The following ETFDH variants were observed in gnomAD, a reference collection of about 807,000 sequenced individuals.
ETFDH encodes electron transfer flavoprotein dehydrogenase.
ETFDH carries 61 observed loss-of-function variants against 73.2 expected under a neutral mutation model. The ratio of observed to expected loss-of-function variants is 0.83; its 90% confidence interval spans 0.68 to 1.03. The LOEUF is 1.03. Among genes scored for constraint, ETFDH ranks in the 50% least tolerant of loss-of-function variants. The pLI is 0.00. For synonymous variants in ETFDH, 243 were observed against 253.3 expected, an observed-to-expected ratio of 0.96 and a Z score of 0.39; for missense variants, 685 against 745.0, an observed-to-expected ratio of 0.92 and a Z score of 0.94.
At chr4:158,675,998 G>C (rs1464118471) in intron 1 of ETFDH, among the ~76,000 whole-genome samples, 1 of 152,092 alleles carries the variant, frequency 6.6e-6, no homozygotes, top group Non-Finnish European at 1.5e-5. Flanking sequence ...TCTTGTTATT[G>C]AAACCGCCCA....
chr4:158,697,286 G>C (rs1326699992), intron 7 of ETFDH, among the ~76,000 whole-genome samples: 1 of 151,886 alleles, frequency 6.6e-6, no homozygotes, highest in Non-Finnish European at 1.5e-5. Context: ...GTAGAGACAG[G>C]GTTTTACCAT....
intron 9 of ETFDH, 117 bp from the exon 10 acceptor site, chr4:158,703,306 T>G: frequency 1.3e-6 from 1 of 748,910 alleles, no homozygotes; most frequent in Non-Finnish European, 2.4e-6. Context: ...CATTTTCATG[T>G]ATTTATTTTT....
At chr4:158,677,196 A>G (rs185619129) in intron 1 of ETFDH, among the ~76,000 whole-genome samples, 5 of 152,358 alleles carry the variant, frequency 3.3e-5, no homozygotes, top group Non-Finnish European at 7.3e-5. Context: ...TCTGAGCCAA[A>G]TGTGAGGACC....
At chr4:158,704,313 T>C (rs532098424) in intron 10 of ETFDH, among the ~76,000 whole-genome samples, 6 of 152,332 alleles carry the variant, frequency 3.9e-5, no homozygotes, top group African/African-American at 1.4e-4. Flanking sequence ...ATGACTCTTC[T>C]GCTGTGGTGG....
chr4:158,690,151 T>C (rs1774125440), intron 5 of ETFDH, among the ~76,000 whole-genome samples, 197 bp from the exon 6 acceptor site: 1 of 152,174 alleles, frequency 6.6e-6, no homozygotes, highest in African/African-American at 2.4e-5. Flanking sequence ...TTTCCCATTG[T>C]GCGAGCTCTG....
chr4:158,685,319 C>A, intron 5 of ETFDH, 100 bp downstream of exon 5: 2 of 739,934 alleles, frequency 2.7e-6, no homozygotes, highest in Non-Finnish European at 4.8e-6. Context: ...TTTTTAAAAG[C>A]CATGGGATTT....
intron 7 of ETFDH, among the ~76,000 whole-genome samples, chr4:158,697,094 A>AT (rs1174519903): frequency 6.6e-6 from 1 of 151,120 alleles, no homozygotes; most frequent in Non-Finnish European, 1.5e-5. Flanking sequence ...CTTTTTTATT[A>AT]TTTTTTTATT....
intron 5 of ETFDH, among the ~76,000 whole-genome samples, chr4:158,689,906 CTGTTT>C (rs1453720402): frequency 3.3e-5 from 5 of 151,884 alleles, no homozygotes; most frequent in East Asian, 1.9e-4. Flanking sequence ...CAGCTTCTCC[CTGTTT>C]TGTTTTATTT....
In ETFDH at chr4:158,706,229, A is replaced by G; in HGVS notation, c.1326A>G (p.Ser442=). ...VTEYEDNLKN[S]WVWKELYSVR... The stretch of plus-strand genomic sequence containing the variant: ...AATATGAGGACAATTTGAAGAACTC[A>G]TGGGTATGGAAAGAGCTATATTCTG... The change falls in exon 11 of 13, where the codon TCA becomes TCG. Residue 442 remains serine, a synonymous_variant. Transcript: ENST00000511912. The G allele has an allele frequency of 6.2e-7, 1 of 1,612,702 alleles. No individual in the cohort carries two copies. The highest frequency in any genetic ancestry group is 1.1e-5 in the South Asian group (1 of 91,036).
Position 158,706,321 on chromosome 4 carries a change from T to G in ETFDH, c.1418T>G (p.Ile473Ser). ...GVYGGMIYTGIFYWILRGMEP... is the reference protein window; with the variant it reads ...GVYGGMIYTGSFYWILRGMEP... ...TATGGAGGGATGATTTACACTGGAA[T>G]CTTTTACTGGATATTGAGAGGAATG... Residue 473 changes from isoleucine to serine, a missense_variant, in exon 11 of 13, where the codon ATC becomes AGC. Coordinates refer to ENST00000511912, the MANE Select transcript of ETFDH (RefSeq NM_004453.4). 6.2e-7 allele frequency: 1 copy of G among 1,613,678 alleles called. No individual in the cohort carries two copies. The highest frequency in any genetic ancestry group is 8.5e-7 in the Non-Finnish European group (1 of 1,179,602).
At chr4:158,676,654 T>A (rs796542660) in intron 1 of ETFDH, among the ~76,000 whole-genome samples, 2 of 152,134 alleles carry the variant, frequency 1.3e-5, no homozygotes, top group South Asian at 4.1e-4. Flanking sequence ...CAAGATGGAG[T>A]CAGTTAGGTC....
Position 158,672,348 on chromosome 4 carries a change from G to A in ETFDH, c.-109G>A. 3 of 1,127,398 alleles carry A rather than the reference G, an allele frequency of 2.7e-6. No homozygotes were observed. Among genetic ancestry groups the A allele is most frequent in the Non-Finnish European group, 4.1e-6 (3 of 737,440 alleles). 69.8% of individuals were successfully genotyped at this position (1,127,398 alleles called of 1,614,324 possible). On this transcript the variant is annotated 5_prime_UTR_variant, in exon 1 of 13. Coordinates refer to ENST00000511912, the MANE Select transcript of ETFDH (RefSeq NM_004453.4). The stretch of plus-strand genomic sequence containing the variant: ...GGAGGCGAACTGCAGCAGAGTTCTT[G>A]CTTTCCGGCAGGTGATGGCGCCCCC...
chr4:158,672,452 T>A lies in ETFDH; in HGVS notation c.-5T>A. ...GTCCGACCGAGAGTCCTGGTGACTT[T>A]GAACATGCTGGTGCCGCTAGCCAAG... On this transcript the variant is annotated 5_prime_UTR_variant, in exon 1 of 13. Transcript: ENST00000511912. The A allele has an allele frequency of 6.2e-7, 1 of 1,614,130 alleles. No homozygotes were observed. Among genetic ancestry groups the A allele is most frequent in the South Asian group, 1.1e-5 (1 of 91,074 alleles).
intron 3 of ETFDH, among the ~76,000 whole-genome samples, chr4:158,683,072 G>A (rs1773906439): frequency 6.6e-6 from 1 of 152,182 alleles, no homozygotes; most frequent in East Asian, 1.9e-4. Context: ...TCTTAATAAA[G>A]TAATAATTCC....
At chr4:158,690,669 C>A (rs1392349559) in intron 6 of ETFDH, among the ~76,000 whole-genome samples, 2 of 127,324 alleles carry the variant, frequency 1.6e-5, no homozygotes, top group Non-Finnish European at 3.2e-5. Flanking sequence ...AGTGACAGAG[C>A]AAAACCCTGT....
At chr4:158,696,535 A>G (rs1774311903) in intron 7 of ETFDH, among the ~76,000 whole-genome samples, 1 of 152,168 alleles carries the variant, frequency 6.6e-6, no homozygotes, top group African/African-American at 2.4e-5. Flanking sequence ...GTAATTAACA[A>G]CAAAAAATTT....
intron 8 of ETFDH, among the ~76,000 whole-genome samples, chr4:158,698,482 T>C (rs1037217271): frequency 5.3e-5 from 8 of 152,242 alleles, no homozygotes; most frequent in Non-Finnish European, 7.3e-5. Context: ...CCTCTTTTTT[T>C]CTGAGTGTAG....
intron 1 of ETFDH, among the ~76,000 whole-genome samples, chr4:158,674,982 A>T (rs1367020720): frequency 6.6e-6 from 1 of 152,202 alleles, no homozygotes; most frequent in Non-Finnish European, 1.5e-5. Flanking sequence ...CTAAAAAAAA[A>T]ATTACCTGTT....
intron 3 of ETFDH, 41 bp downstream of exon 3, chr4:158,682,465 A>C: frequency 1.4e-6 from 2 of 1,464,072 alleles, no homozygotes; most frequent in Non-Finnish European, 1.9e-6. Context: ...AATCTTTTGT[A>C]ATTGTATTTC....
Sources: allele counts gnomAD v4.1 joint callset (sites outside exome capture counted in the v4.1 genomes callset), GRCh38; gene constraint gnomAD v4.1.1; transcripts MANE v1.5; gene names NCBI Gene and HGNC (gene_info 2026-07-23, HGNC 2026-07-21).